Variants in CHD6 observed in about 807,000 individuals in gnomAD.
CHD6 encodes the protein chromodomain helicase DNA binding protein 6.
CHD6 carries 50 observed loss-of-function variants against 276.9 expected under a neutral mutation model. That is an observed-to-expected ratio of 0.18 (90% CI 0.14 to 0.23). The LOEUF (loss-of-function observed/expected upper bound fraction) is 0.23, where lower values mean the gene tolerates loss of function less well. Ranked by LOEUF, CHD6 falls within the 10% of genes least tolerant of loss-of-function variation. CHD6 has a pLI of 1.00. For synonymous variants in CHD6, 1,173 were observed against 1,229.3 expected, an observed-to-expected ratio of 0.95 and a Z score of 0.96; for missense variants, 2,564 against 3,365.8, an observed-to-expected ratio of 0.76 and a Z score of 5.89.
Position 41,483,371 on chromosome 20 carries a change from T to C in CHD6, c.2406A>G (p.Val802=). The change falls in exon 16 of 37, where the codon GTA becomes GTG. Residue 802 remains valine (V), a synonymous_variant. Coordinates refer to ENST00000373233, the MANE Select transcript of CHD6 (RefSeq NM_032221.5). ...LPKLIAGGHK[V]LIFSQMVRCL... Reference sequence around the variant, plus strand: ...AGCGCACCATCTGGGAGAAGATGAGTACTTTGTGGCCACCTGCAATCAGCT... The same window carrying C: ...AGCGCACCATCTGGGAGAAGATGAGCACTTTGTGGCCACCTGCAATCAGCT... 1 of 1,613,762 alleles carries C rather than the reference T, an allele frequency of 6.2e-7. No individual in the cohort carries two copies. Among genetic ancestry groups the C allele is most frequent in the Non-Finnish European group, 8.5e-7 (1 of 1,179,824 alleles).
intron 1 of CHD6, among the ~76,000 whole-genome samples, chr20:41,592,614 C>T (rs1437700322): frequency 6.6e-6 from 1 of 152,194 alleles, no homozygotes; most frequent in Non-Finnish European, 1.5e-5. Flanking sequence ...ATGCACACTA[C>T]ATTTGCTGCT....
chr20:41,445,622 G>A lies in CHD6; in HGVS notation c.3877+43C>T, dbSNP rs747496683. 3.4e-5 allele frequency: 45 copies of A among 1,331,334 alleles called. No homozygotes were observed. The Admixed American group carries it at 4.1e-4, about 12-fold the overall frequency. The allele number at this position is 1,331,334 out of a possible 1,614,324, so 82.5% of individuals were successfully genotyped here. On this transcript the variant is annotated intron_variant, in intron 25 of 36. Transcript: ENST00000373233. Reference sequence around the variant, plus strand: ...GAGGGGCTGAACTCATCCTTCCTGGGGGAAACTGATACAGAAGGGAACGCC... The same window carrying A: ...GAGGGGCTGAACTCATCCTTCCTGGAGGAAACTGATACAGAAGGGAACGCC...
At chr20:41,586,198 T>C (rs1289627451) in intron 1 of CHD6, among the ~76,000 whole-genome samples, 2 of 152,206 alleles carry the variant, frequency 1.3e-5, no homozygotes, top group African/African-American at 4.8e-5. Context: ...CTGCACACTC[T>C]TCTGGTCCGT....
At chr20:41,457,158 C>G in intron 18 of CHD6, 106 bp downstream of exon 18, 1 of 1,311,190 alleles carries the variant, frequency 7.6e-7, no homozygotes, top group Non-Finnish European at 1.1e-6. Flanking sequence ...TGAGGGCTGG[C>G]TCAATGCAGC....
At chr20:41,555,987 C>T (rs936523759) in intron 1 of CHD6, among the ~76,000 whole-genome samples, 50 of 152,364 alleles carry the variant, frequency 3.3e-4, no homozygotes, top group African/African-American at 1.1e-3. Flanking sequence ...AGCCAGACTC[C>T]GTCTGCAATC....
chr20:41,434,042 T>A (rs578080907), intron 27 of CHD6, among the ~76,000 whole-genome samples: 1 of 151,846 alleles, frequency 6.6e-6, no homozygotes, highest in South Asian at 2.1e-4. Flanking sequence ...GAGAAGACAA[T>A]AAAATGACAG....
rs1473154538 is a variant in CHD6 at position 41,421,983 on chromosome 20, T to C, written c.4652A>G (p.Gln1551Arg). The C allele has an allele frequency of 6.2e-7, 1 of 1,614,116 alleles. No individual in the cohort carries two copies. Among genetic ancestry groups the C allele is most frequent in the African/African-American group, 1.3e-5 (1 of 74,940 alleles). The change falls in exon 31 of 37, where the codon CAA becomes CGA. Residue 1551 changes from glutamine to arginine, a missense_variant. This residue lies in a region of CHD6 where 515 missense variants were observed against 739.5 expected (regional missense o/e 0.70). Transcript: ENST00000373233. ...RIELLRKVRE[Q>R]VLKCPQLHER... The stretch of plus-strand genomic sequence containing the variant: ...ATGCAGCTGAGGGCACTTGAGCACT[T>C]GCTCTCGGACTTTCCGTAACAGTTC...
intron 1 of CHD6, among the ~76,000 whole-genome samples, chr20:41,564,984 C>T (rs2045340051): frequency 6.6e-6 from 1 of 152,024 alleles, no homozygotes; most frequent in Non-Finnish European, 1.5e-5. Flanking sequence ...GTAGGGCAGG[C>T]TTGGGGTCCA....
At chr20:41,492,142 T>C (rs1045730419) in intron 10 of CHD6, among the ~76,000 whole-genome samples, 2 of 152,206 alleles carry the variant, frequency 1.3e-5, no homozygotes, top group Middle Eastern at 3.2e-3. Context: ...TGCACACACA[T>C]GCTTCTTCCA....
intron 20 of CHD6, among the ~76,000 whole-genome samples, chr20:41,454,199 A>C (rs1397046712): frequency 1.3e-5 from 2 of 152,220 alleles, no homozygotes; most frequent in Non-Finnish European, 2.9e-5. Context: ...TCATGTTCAG[A>C]ATTAAGAAAA....
chr20:41,520,128 C>T (rs896930341), intron 3 of CHD6, among the ~76,000 whole-genome samples: 1 of 152,192 alleles, frequency 6.6e-6, no homozygotes, highest in Non-Finnish European at 1.5e-5. Context: ...GAGATATCAT[C>T]TCACACCAGT....
chr20:41,424,536 A>G (rs751647235), intron 29 of CHD6, among the ~76,000 whole-genome samples: 8 of 152,228 alleles, frequency 5.3e-5, no homozygotes, highest in Non-Finnish European at 7.3e-5. Flanking sequence ...ATCGAATTTC[A>G]TAAGTCAGGA....
intron 31 of CHD6, among the ~76,000 whole-genome samples, chr20:41,418,395 C>A (rs2047073441): frequency 6.6e-6 from 1 of 151,776 alleles, no homozygotes; most frequent in South Asian, 2.1e-4. Context: ...GATGAGGAGG[C>A]AACAGGGAAG....
intron 1 of CHD6, among the ~76,000 whole-genome samples, chr20:41,587,775 A>G (rs1705066274): frequency 6.6e-6 from 1 of 152,196 alleles, no homozygotes; most frequent in South Asian, 2.1e-4. Context: ...ACCCAAGAGC[A>G]GTCAATGCCT....
At chr20:41,582,531 T>C (rs1258538779) in intron 1 of CHD6, among the ~76,000 whole-genome samples, 3 of 152,194 alleles carry the variant, frequency 2.0e-5, no homozygotes, top group African/African-American at 4.8e-5. Flanking sequence ...AACATAAATA[T>C]TTAATGTCCA....
At chr20:41,478,914 G>A (rs779425580) in intron 16 of CHD6, among the ~76,000 whole-genome samples, 1 of 152,176 alleles carries the variant, frequency 6.6e-6, no homozygotes, top group East Asian at 1.9e-4. Flanking sequence ...AACCTACAAT[G>A]TTATAATTCA....
intron 2 of CHD6, among the ~76,000 whole-genome samples, chr20:41,534,718 T>C (rs2044784839): frequency 1.3e-5 from 2 of 152,100 alleles, no homozygotes; most frequent in South Asian, 4.2e-4. Flanking sequence ...ACAATTCAGT[T>C]TGATGATCTC....
intron 17 of CHD6, among the ~76,000 whole-genome samples, chr20:41,460,734 G>A (rs982766261): frequency 6.6e-6 from 1 of 152,246 alleles, no homozygotes; most frequent in Non-Finnish European, 1.5e-5. Context: ...GGTCCTCATG[G>A]AGAACCTCTG....
At chr20:41,449,468 A>C (rs1418391751) in intron 23 of CHD6, among the ~76,000 whole-genome samples, 2 of 152,184 alleles carry the variant, frequency 1.3e-5, no homozygotes, top group African/African-American at 2.4e-5. Context: ...CTGCAGCATG[A>C]GAGAACAGAA....
Sources: allele counts gnomAD v4.1 joint callset (sites outside exome capture counted in the v4.1 genomes callset), GRCh38; gene constraint gnomAD v4.1.1; regional missense constraint gnomAD v4.1.1; transcripts MANE v1.5; gene names NCBI Gene and HGNC (gene_info 2026-07-23, HGNC 2026-07-21).